NPAS3: variants seen among roughly 807,000 people sequenced by gnomAD.
NPAS3 encodes neuronal PAS domain-containing protein 3.
Under a neutral mutation model 73.1 loss-of-function variants are expected in NPAS3, and 14 were observed. That is an observed-to-expected ratio of 0.19 (90% CI 0.13 to 0.30). The LOEUF is 0.30. Among genes scored for constraint, NPAS3 ranks in the 10% least tolerant of loss-of-function variants. The pLI is 1.00. For synonymous variants in NPAS3, 620 were observed against 541.5 expected, an observed-to-expected ratio of 1.14 and a Z score of -2.01; for missense variants, 1,096 against 1,250.0, an observed-to-expected ratio of 0.88 and a Z score of 1.86.
intron 2 of NPAS3, among the ~76,000 whole-genome samples, chr14:33,067,855 A>G (rs1162966382): frequency 1.3e-5 from 2 of 152,194 alleles, no homozygotes; most frequent in African/African-American, 4.8e-5. Flanking sequence ...CTTTTGCTTT[A>G]TCTTCATTTA....
chr14:33,078,775 C>A (rs2041761548), intron 2 of NPAS3, among the ~76,000 whole-genome samples: 1 of 152,146 alleles, frequency 6.6e-6, no homozygotes, highest in Non-Finnish European at 1.5e-5. Flanking sequence ...TCCTTCCTGG[C>A]AGAATTCACA....
At chr14:33,376,006 G>A (rs927792972) in intron 4 of NPAS3, among the ~76,000 whole-genome samples, 6 of 152,050 alleles carry the variant, frequency 3.9e-5, no homozygotes, top group Admixed American at 2.0e-4. Context: ...TTACGGAATT[G>A]GTTTCACTGG....
intron 5 of NPAS3, among the ~76,000 whole-genome samples, chr14:33,561,329 G>T (rs371696800): frequency 7.2e-5 from 11 of 152,284 alleles, no homozygotes; most frequent in African/African-American, 2.2e-4. Flanking sequence ...TAGAGAGAGA[G>T]ATTTGGCATG....
At chr14:33,756,193 C>G (rs1188892855) in intron 7 of NPAS3, among the ~76,000 whole-genome samples, 2 of 152,124 alleles carry the variant, frequency 1.3e-5, no homozygotes, top group Admixed American at 1.3e-4. Context: ...AATCATTTAT[C>G]AGAGTCAGTA....
intron 4 of NPAS3, among the ~76,000 whole-genome samples, chr14:33,517,895 A>G (rs2053377719): frequency 6.6e-6 from 1 of 152,068 alleles, no homozygotes; most frequent in South Asian, 2.1e-4. Context: ...GTAAATGAGT[A>G]ACATATTGAA....
intron 6 of NPAS3, among the ~76,000 whole-genome samples, chr14:33,687,542 G>C (rs1015702848): frequency 3.9e-5 from 6 of 152,118 alleles, no homozygotes; most frequent in Admixed American, 3.3e-4. Flanking sequence ...TGATGTCAGA[G>C]GGAAATCAAA....
intron 2 of NPAS3, among the ~76,000 whole-genome samples, chr14:33,079,779 TTTTTGTATTTTTA>T (rs1327545945): frequency 5.4e-5 from 8 of 149,160 alleles, no homozygotes; most frequent in Non-Finnish European, 8.9e-5. Flanking sequence ...GCCTAGCTAA[TTTTTGTATTTTTA>T]TTAGAAACGG....
chr14:33,340,163 TTATA>T (rs1030954307), intron 3 of NPAS3, among the ~76,000 whole-genome samples: 1 of 152,224 alleles, frequency 6.6e-6, no homozygotes, highest in African/African-American at 2.4e-5. Context: ...TTTTTGGTTT[TTATA>T]TATAAGATTT....
At chr14:33,802,392 G>GAAAAAAAAAAAAAAA (rs1161378596), downstream of NPAS3, 1 of 92,192 alleles carries the variant, frequency 1.1e-5, no homozygotes, top group African/African-American at 3.7e-5. Flanking sequence ...AAAAAAAAAA[G>GAAAAAAAAAAAAAAA]AAAAAAAAAA....
intron 5 of NPAS3, among the ~76,000 whole-genome samples, chr14:33,622,076 GGC>G (rs1401627325): frequency 6.6e-6 from 1 of 152,128 alleles, no homozygotes; most frequent in Non-Finnish European, 1.5e-5. Context: ...GATGTGAAGT[GGC>G]AATCTGTCTG....
At chr14:33,086,759 C>T (rs1295358361) in intron 2 of NPAS3, among the ~76,000 whole-genome samples, 1 of 152,140 alleles carries the variant, frequency 6.6e-6, no homozygotes, top group Non-Finnish European at 1.5e-5. Flanking sequence ...CTTCTCCTAT[C>T]CTACCACATA....
chr14:32,973,772 A>G (rs1014871607), intron 1 of NPAS3, among the ~76,000 whole-genome samples: 26 of 151,986 alleles, frequency 1.7e-4, no homozygotes, highest in Admixed American at 1.1e-3. Flanking sequence ...CCTGAGCTCA[A>G]GTGATCTGCC....
intron 2 of NPAS3, among the ~76,000 whole-genome samples, chr14:33,072,502 TTTGCCAG>T (rs1457923564): frequency 2.0e-5 from 3 of 152,176 alleles, no homozygotes; most frequent in Non-Finnish European, 2.9e-5. Flanking sequence ...ACTGAAAGCT[TTTGCCAG>T]TTAAAGAACA....
intron 9 of NPAS3, chr14:33,780,493 G>A: frequency 2.6e-6 from 1 of 388,532 alleles, no homozygotes; most frequent in South Asian, 2.0e-5. Flanking sequence ...AGAGGGAGAT[G>A]CCTTCTCATT....
chr14:33,628,018 A>G, intron 5 of NPAS3, among the ~76,000 whole-genome samples: 1 of 152,252 alleles, frequency 6.6e-6, no homozygotes, highest in Non-Finnish European at 1.5e-5. Flanking sequence ...GAGTGGTTTT[A>G]AAGTTCACAC....
chr14:33,130,190 G>T (rs1263061991), intron 2 of NPAS3, among the ~76,000 whole-genome samples: 1 of 152,106 alleles, frequency 6.6e-6, no homozygotes. Flanking sequence ...CATAATGGAG[G>T]ATTTGTTTTA....
intron 3 of NPAS3, among the ~76,000 whole-genome samples, chr14:33,265,530 A>C (rs975823631): frequency 6.6e-6 from 1 of 152,204 alleles, no homozygotes; most frequent in African/African-American, 2.4e-5. Context: ...ACAGCAAATA[A>C]AGTAAAAGCT....
intron 2 of NPAS3, among the ~76,000 whole-genome samples, chr14:33,171,301 C>G (rs1020443356): frequency 6.6e-6 from 1 of 152,180 alleles, no homozygotes; most frequent in African/African-American, 2.4e-5. Context: ...TCGTTCCATT[C>G]CTTGAGCACA....
At chr14:33,494,942 T>C (rs1481831664) in intron 4 of NPAS3, among the ~76,000 whole-genome samples, 1 of 151,998 alleles carries the variant, frequency 6.6e-6, no homozygotes, top group Non-Finnish European at 1.5e-5. Flanking sequence ...AGAGTCTCAG[T>C]TGGGATTTTT....
Sources: allele counts gnomAD v4.1 joint callset (sites outside exome capture counted in the v4.1 genomes callset), GRCh38; gene constraint gnomAD v4.1.1; transcripts MANE v1.5; gene names NCBI Gene and HGNC (gene_info 2026-07-23, HGNC 2026-07-21).